Variants in SV2C observed in about 807,000 individuals in gnomAD.
SV2C encodes solute carrier family 22 member B3.
A neutral mutation model predicts 79.7 loss-of-function variants in SV2C; 49 were observed. The observed-to-expected ratio is 0.61, with a 90% CI of 0.49 to 0.78. The LOEUF (loss-of-function observed/expected upper bound fraction) is 0.78. Ranked by LOEUF, SV2C falls within the 30% of genes least tolerant of loss-of-function variation. The pLI is 0.00. For missense variants in SV2C, 833 were observed against 912.9 expected, an observed-to-expected ratio of 0.91 and a Z score of 1.13; for synonymous variants, 334 against 333.2, an observed-to-expected ratio of 1.00 and a Z score of -0.03.
At chr5:76,080,177 T>C (rs1746963778), upstream of SV2C, among the ~76,000 whole-genome samples, 1 of 152,172 alleles carries the variant, frequency 6.6e-6, no homozygotes, top group African/African-American at 2.4e-5. Flanking sequence ...TTGACTTAGA[T>C]ATTAAAATGT....
At chr5:75,979,505 G>C in the SV2C span, among the ~76,000 whole-genome samples, 7 of 149,064 alleles carry the variant, frequency 4.7e-5, 2 homozygotes, top group Non-Finnish European at 1.1e-4. Context: ...AAATGCAAAA[G>C]AACTGAAGTC....
At chr5:76,315,046 G>A (rs1748571742) in intron 12 of SV2C, among the ~76,000 whole-genome samples, 1 of 152,142 alleles carries the variant, frequency 6.6e-6, no homozygotes. Context: ...AGATGGGAGG[G>A]AGATAAAGGG....
chr5:75,948,343 A>G, the SV2C span, among the ~76,000 whole-genome samples: 2 of 152,132 alleles, frequency 1.3e-5, no homozygotes, highest in African/African-American at 2.4e-5. Flanking sequence ...TCAGAAATGC[A>G]CATACATTTG....
At chr5:76,312,314 G>A (rs1302795048) in intron 12 of SV2C, among the ~76,000 whole-genome samples, 1 of 151,702 alleles carries the variant, frequency 6.6e-6, no homozygotes, top group African/African-American at 2.4e-5. Context: ...GTGCAGTGAC[G>A]CAATCTCCAC....
the SV2C span, among the ~76,000 whole-genome samples, chr5:75,859,623 A>G: frequency 6.6e-6 from 1 of 152,092 alleles, no homozygotes; most frequent in South Asian, 2.1e-4. Context: ...AAGTCTCCTT[A>G]TTGCCTTCAT....
intron 2 of SV2C, among the ~76,000 whole-genome samples, chr5:76,192,977 C>A (rs1181536300): frequency 6.6e-6 from 1 of 152,144 alleles, no homozygotes; most frequent in Admixed American, 6.5e-5. Context: ...AAAATCTTCC[C>A]AGAGGCCACG....
chr5:76,136,392 C>T lies in SV2C; in HGVS notation c.580+4062C>T, dbSNP rs188536369. 1.4e-3 allele frequency among the ~76,000 whole-genome samples: 217 copies of T among 152,212 alleles called. 1 individual carries two copies. The highest frequency in any genetic ancestry group is 5.2e-3 in the African/African-American group (215 of 41,534). ...CATTTGATAAGCATTAATTGAGTAC[C>T]AACTCTGAGCCAGGTACCTGGCAAA... On this transcript the variant is annotated intron_variant, in intron 2 of 12. Transcript: ENST00000502798.
At chr5:76,215,706 A>G (rs1374647809) in intron 4 of SV2C, among the ~76,000 whole-genome samples, 1 of 152,132 alleles carries the variant, frequency 6.6e-6, no homozygotes, top group Non-Finnish European at 1.5e-5. Context: ...TTGAGTTTGC[A>G]CCCTGCAGAG....
chr5:76,334,103 T>G (rs1253210848), downstream of SV2C: 2 of 152,188 alleles, frequency 1.3e-5, no homozygotes, highest in Non-Finnish European at 2.9e-5. Flanking sequence ...TCATGGGTAT[T>G]GATGTGTTGT....
chr5:76,247,951 T>A (rs545341032), intron 4 of SV2C, among the ~76,000 whole-genome samples: 2 of 152,300 alleles, frequency 1.3e-5, no homozygotes, highest in East Asian at 3.9e-4. Context: ...TGACAGTGAT[T>A]ATTAGGTGAC....
the SV2C span, among the ~76,000 whole-genome samples, chr5:75,889,328 CT>C: frequency 6.6e-6 from 1 of 150,998 alleles, no homozygotes; most frequent in Non-Finnish European, 1.5e-5. Flanking sequence ...TCAACTCCCA[CT>C]TATGAATGAG....
the SV2C span, chr5:75,921,711 G>A: frequency 2.0e-6 from 1 of 490,558 alleles, no homozygotes. Flanking sequence ...AAAGAACAGA[G>A]GGTATAAAAT....
At chr5:76,067,869 A>G in the SV2C span, among the ~76,000 whole-genome samples, 1 of 152,070 alleles carries the variant, frequency 6.6e-6, no homozygotes, top group Non-Finnish European at 1.5e-5. Flanking sequence ...ATCTTTTCCA[A>G]TTATACCTTA....
chr5:76,108,669 A>G (rs1049891955), intron 1 of SV2C, among the ~76,000 whole-genome samples: 4 of 152,176 alleles, frequency 2.6e-5, no homozygotes, highest in African/African-American at 7.2e-5. Flanking sequence ...ACTTCATTTA[A>G]CCTTTTAGGA....
intron 4 of SV2C, among the ~76,000 whole-genome samples, chr5:76,237,570 A>T (rs546079387): frequency 1.3e-5 from 2 of 152,128 alleles, no homozygotes; most frequent in Non-Finnish European, 2.9e-5. Flanking sequence ...CTTTTTGGTG[A>T]AGTATAATCT....
At chr5:76,259,306 C>T (rs1250678712) in intron 4 of SV2C, among the ~76,000 whole-genome samples, 5 of 152,178 alleles carry the variant, frequency 3.3e-5, no homozygotes, top group Non-Finnish European at 2.9e-5. Flanking sequence ...CCACCAGTGA[C>T]GTATGAGAAT....
chr5:76,314,292 C>G (rs1748551344), intron 12 of SV2C, among the ~76,000 whole-genome samples: 1 of 152,222 alleles, frequency 6.6e-6, no homozygotes, highest in Admixed American at 6.5e-5. Context: ...GGAGGGAGCA[C>G]TGGTCTTCAG....
chr5:75,945,164 G>A, the SV2C span, among the ~76,000 whole-genome samples: 3 of 152,082 alleles, frequency 2.0e-5, no homozygotes, highest in African/African-American at 7.2e-5. Flanking sequence ...CAAGTTCCCA[G>A]TAGAGAGGTA....
chr5:76,008,855 G>A, the SV2C span, among the ~76,000 whole-genome samples: 1 of 152,058 alleles, frequency 6.6e-6, no homozygotes, highest in African/African-American at 2.4e-5. Flanking sequence ...ATTAGCTCCC[G>A]TGACCTACCT....
Sources: gnomAD v4.1 joint callset for allele counts (sites outside exome capture counted in the v4.1 genomes callset) on GRCh38, gnomAD v4.1.1 for gene constraint, MANE v1.5 for transcripts, NCBI Gene and HGNC (gene_info 2026-07-23, HGNC 2026-07-21) for gene names.